Variants in DYNC2LI1 observed in about 807,000 individuals in gnomAD.
DYNC2LI1 encodes dynein cytoplasmic 2 light intermediate chain 1, also known as cytoplasmic dynein 2 light intermediate chain 1.
A neutral mutation model predicts 51.9 loss-of-function variants in DYNC2LI1; 45 were observed. The ratio of observed to expected loss-of-function variants is 0.87; its 90% CI spans 0.68 to 1.11. The LOEUF (loss-of-function observed/expected upper bound fraction) is 1.11, where lower values mean the gene tolerates loss of function less well. DYNC2LI1 is among the 50% of genes most tolerant of loss of function. The probability of loss-of-function intolerance (pLI) is 0.00; values close to 1 mark genes in which losing one functional copy is unlikely to be tolerated. For missense variants in DYNC2LI1, 490 were observed against 417.4 expected, an observed-to-expected ratio of 1.17 and a Z score of -1.51; for synonymous variants, 130 against 137.8, an observed-to-expected ratio of 0.94 and a Z score of 0.40.
intron 12 of DYNC2LI1, among the ~76,000 whole-genome samples, chr2:43,809,258 C>G (rs1438036728): frequency 6.6e-6 from 1 of 152,110 alleles, no homozygotes; most frequent in African/African-American, 2.4e-5. Context: ...TCCCAAAGTG[C>G]TGGGACTATA....
chr2:43,810,464 A>G (rs911256424), downstream of DYNC2LI1: 1 of 985,306 alleles, frequency 1.0e-6, no homozygotes, highest in African/African-American at 1.7e-5. Flanking sequence ...AAGGTGGGAT[A>G]GCCTTTAAGA....
chr2:43,820,962 A>G, the DYNC2LI1 span, among the ~76,000 whole-genome samples: 5 of 152,010 alleles, frequency 3.3e-5, no homozygotes, highest in African/African-American at 1.2e-4. Context: ...CCTGACCTTC[A>G]TTTTCTTGTA....
In DYNC2LI1 at chr2:43,795,212, A is replaced by G. The variant is rs1350835505; in HGVS notation, c.507+569A>G. 5 of 988,332 alleles carry G rather than the reference A, an allele frequency of 5.1e-6. No homozygotes were observed. In the African/African-American group the frequency reaches 8.7e-5, roughly 17 times the overall value. The allele number at this position is 988,332 out of a possible 1,614,324, so 61.2% of individuals were successfully genotyped here. On this transcript the variant is annotated intron_variant, in intron 6 of 12. Transcript: ENST00000260605. ...CAGCATTTTATATTATCCAGAGTTT[A>G]TAAGAAAGTGTAGCAGGGTGCGATG...
At chr2:43,791,866 A>T (rs1673810665) in intron 5 of DYNC2LI1, among the ~76,000 whole-genome samples, 1 of 152,186 alleles carries the variant, frequency 6.6e-6, no homozygotes, top group East Asian at 1.9e-4. Flanking sequence ...TTAGGAGTTT[A>T]TGTAAAAAAA....
At chr2:43,794,711 A>G in intron 6 of DYNC2LI1, 68 bp downstream of exon 6, 1 of 1,610,984 alleles carries the variant, frequency 6.2e-7, no homozygotes, top group African/African-American at 1.3e-5. Context: ...AACATCACAA[A>G]CAACTTCTTT....
intron 7 of DYNC2LI1, 49 bp downstream of exon 7, chr2:43,796,007 CT>C: frequency 1.5e-6 from 2 of 1,314,958 alleles, no homozygotes; most frequent in South Asian, 1.3e-5. Flanking sequence ...TATGGCTGTG[CT>C]TTTTATGAGG....
the DYNC2LI1 span, chr2:43,822,733 C>T: frequency 0.059 from 95,133 of 1,610,602 alleles, 2,994 homozygotes; most frequent in Non-Finnish European, 0.063. Flanking sequence ...TCTCCCTGCA[C>T]GAGTCCCACT....
At chr2:43,782,547 T>TAAAAA (rs779034508) in intron 2 of DYNC2LI1, among the ~76,000 whole-genome samples, 1 of 127,412 alleles carries the variant, frequency 7.8e-6, no homozygotes, top group Non-Finnish European at 1.7e-5. Context: ...GTCTTTTCTT[T>TAAAAA]AAAAAAAAAA....
chr2:43,778,319 A>T (rs58290925), intron 2 of DYNC2LI1, among the ~76,000 whole-genome samples: 10 of 151,708 alleles, frequency 6.6e-5, no homozygotes, highest in Non-Finnish European at 1.3e-4. Flanking sequence ...CACCCGGCTA[A>T]TTTTTTGTAT....
chr2:43,794,987 T>C (rs1317688910), intron 6 of DYNC2LI1: 2 of 1,192,550 alleles, frequency 1.7e-6, no homozygotes, highest in African/African-American at 3.1e-5. Flanking sequence ...TGACAAAGAC[T>C]AGATGAAGCT....
chr2:43,787,718 A>G (rs571205844), intron 4 of DYNC2LI1, among the ~76,000 whole-genome samples: 1 of 152,310 alleles, frequency 6.6e-6, no homozygotes, highest in Admixed American at 6.5e-5. Flanking sequence ...TTAGAGGAAC[A>G]TGATAAACTC....
chr2:43,811,661 C>T (rs533261954), downstream of DYNC2LI1, among the ~76,000 whole-genome samples: 1 of 151,278 alleles, frequency 6.6e-6, no homozygotes, highest in Non-Finnish European at 1.5e-5. Flanking sequence ...GTGGTGCATT[C>T]TCGGCTCACT....
chr2:43,792,799 G>A (rs1023272974), intron 5 of DYNC2LI1: 1 of 1,527,310 alleles, frequency 6.5e-7, no homozygotes, highest in Non-Finnish European at 8.8e-7. Context: ...AACGTCTTCA[G>A]GGTTCTTCCG....
chr2:43,810,709 A>G (rs1439820012), downstream of DYNC2LI1, among the ~76,000 whole-genome samples: 2 of 152,210 alleles, frequency 1.3e-5, no homozygotes, highest in Non-Finnish European at 2.9e-5. Context: ...TGCAGTACGT[A>G]TGGTTCTGAC....
At chr2:43,820,714 C>T in the DYNC2LI1 span, among the ~76,000 whole-genome samples, 1 of 152,146 alleles carries the variant, frequency 6.6e-6, no homozygotes, top group African/African-American at 2.4e-5. Context: ...AGTGCAGTGG[C>T]GTGATCTTGG....
At chr2:43,817,630 C>T in the DYNC2LI1 span, among the ~76,000 whole-genome samples, 1 of 152,088 alleles carries the variant, frequency 6.6e-6, no homozygotes, top group Non-Finnish European at 1.5e-5. Context: ...GCATTTAAGG[C>T]CAGACGCGGT....
At chr2:43,813,709 GTTTTTTTTTT>G (rs1214033245), downstream of DYNC2LI1, among the ~76,000 whole-genome samples, 392 of 34,070 alleles carry the variant, frequency 0.012, 6 homozygotes, top group African/African-American at 0.047. Flanking sequence ...TTTTTTTTTC[GTTTTTTTTTT>G]TTTTTTTTTT....
At chr2:43,813,384 C>T, downstream of DYNC2LI1, 1 of 1,048,848 alleles carries the variant, frequency 9.5e-7, no homozygotes, top group Non-Finnish European at 1.5e-6. Context: ...TTACCAAGCG[C>T]TTGCTAAGTA....
At chr2:43,796,429 A>C (rs995060464) in intron 7 of DYNC2LI1, among the ~76,000 whole-genome samples, 8 of 152,072 alleles carry the variant, frequency 5.3e-5, no homozygotes, top group African/African-American at 1.7e-4. Flanking sequence ...GTTCCTTCTT[A>C]TCTTTGCTTG....
Sources: allele counts gnomAD v4.1 joint callset (sites outside exome capture counted in the v4.1 genomes callset), GRCh38; gene constraint gnomAD v4.1.1; transcripts MANE v1.5; gene names NCBI Gene and HGNC (gene_info 2026-07-23, HGNC 2026-07-21).